ANKRD17: variants seen among roughly 807,000 people sequenced by gnomAD.
ANKRD17 encodes the protein ankyrin repeat domain-containing protein 17.
Under a neutral mutation model 229.7 loss-of-function variants are expected in ANKRD17, and 19 were observed. The ratio of observed to expected loss-of-function variants is 0.08; its 90% CI spans 0.06 to 0.12. The LOEUF (loss-of-function observed/expected upper bound fraction) is 0.12. Ranked by LOEUF, ANKRD17 falls within the 10% of genes least tolerant of loss-of-function variation. ANKRD17 has a pLI of 1.00. For missense variants in ANKRD17, 2,176 were observed against 3,176.8 expected (o/e 0.68, Z 7.57); for synonymous variants, 1,112 against 1,146.1 (o/e 0.97, Z 0.60).
At chr4:73,191,469 T>C (rs1464771312) in intron 1 of ANKRD17, among the ~76,000 whole-genome samples, 2 of 149,568 alleles carry the variant, frequency 1.3e-5, no homozygotes, top group Non-Finnish European at 3.0e-5. Context: ...ATGTTGTTGC[T>C]ATAATTTTGT....
intron 1 of ANKRD17, among the ~76,000 whole-genome samples, chr4:73,253,170 T>C (rs1745179026): frequency 6.6e-6 from 1 of 152,238 alleles, no homozygotes; most frequent in Non-Finnish European, 1.5e-5. Flanking sequence ...TATGTTTACC[T>C]GTAAAATGAA....
At chr4:73,172,880 CAGGA>C (rs1483390470) in intron 2 of ANKRD17, among the ~76,000 whole-genome samples, 2 of 151,876 alleles carry the variant, frequency 1.3e-5, no homozygotes, top group Non-Finnish European at 2.9e-5. Flanking sequence ...CACTGAAAGG[CAGGA>C]AGGAAAGAAG....
At chr4:73,201,111 G>C (rs1261263248) in intron 1 of ANKRD17, among the ~76,000 whole-genome samples, 1 of 151,152 alleles carries the variant, frequency 6.6e-6, no homozygotes. Context: ...AATTACAGGA[G>C]AACAAAAGAC....
intron 16 of ANKRD17, among the ~76,000 whole-genome samples, chr4:73,125,728 G>C (rs1396543106): frequency 1.3e-5 from 1 of 75,878 alleles, no homozygotes; most frequent in Non-Finnish European, 3.0e-5. Flanking sequence ...GCGAGACTCC[G>C]TCTCAAAAAA....
Position 73,103,982 on chromosome 4 carries a change from G to A in ANKRD17, c.4402-1435C>T, listed in dbSNP as rs1724311166. 2.6e-5 allele frequency: 4 copies of A among 152,232 alleles called. No homozygotes were observed. In the South Asian group the frequency reaches 8.3e-4, roughly 32 times the overall value. The allele number at this position is 152,232 out of a possible 1,614,324, so 9.4% of individuals were successfully genotyped here. A position where few individuals can be genotyped will look rare whatever the true frequency, so the allele number is the denominator to read the frequency against. ...GCCCACCACCAGGTTTTTACACCCT[G>A]CGGTAATGCAACATACTTACCTTAG... On this transcript the variant is annotated intron_variant, in intron 24 of 33. Coordinates refer to ENST00000358602, the MANE Select transcript of ANKRD17 (RefSeq NM_032217.5).
At chr4:73,248,823 T>C (rs1219043070) in intron 1 of ANKRD17, among the ~76,000 whole-genome samples, 1 of 151,858 alleles carries the variant, frequency 6.6e-6, no homozygotes, top group Admixed American at 6.6e-5. Context: ...CAGCCACACA[T>C]AGGAGATAAT....
intron 33 of ANKRD17, 67 bp from the exon 34 acceptor site, chr4:73,076,357 T>A: frequency 7.9e-7 from 1 of 1,273,042 alleles, no homozygotes; most frequent in South Asian, 1.8e-5. Flanking sequence ...AATAAAACTT[T>A]TAAAAAACTA....
At chr4:73,189,327 T>C (rs1394972366) in intron 1 of ANKRD17, among the ~76,000 whole-genome samples, 2 of 151,922 alleles carry the variant, frequency 1.3e-5, no homozygotes, top group African/African-American at 4.8e-5. Context: ...CTTTTTTCTG[T>C]TTCTCTGTCA....
rs778477250 is a variant in ANKRD17 at position 73,113,221 on chromosome 4, A to C, written c.4401+571T>G. 7.4e-5 allele frequency: 95 copies of C among 1,288,634 alleles called. 1 individual carries two copies. Among genetic ancestry groups the C allele is most frequent in the South Asian group, 2.4e-4 (19 of 80,818 alleles). The allele number at this position is 1,288,634 out of a possible 1,614,324, so 79.8% of individuals were successfully genotyped here. ...AGGGGAAAATGTGGCAGAAAAGGGA[A>C]GTGAAGAAGCTATAAGACTGTCCAA... On this transcript the variant is annotated intron_variant, in intron 24 of 33. Transcript: ENST00000358602.
chr4:73,232,726 C>T (rs577431056), intron 1 of ANKRD17, among the ~76,000 whole-genome samples: 186 of 151,968 alleles, frequency 1.2e-3, no homozygotes, highest in African/African-American at 4.3e-3. Flanking sequence ...TGCAATACCC[C>T]CCCTTTTTAT....
At chr4:73,135,610 G>T (rs1728795951) in intron 15 of ANKRD17, among the ~76,000 whole-genome samples, 1 of 152,054 alleles carries the variant, frequency 6.6e-6, no homozygotes, top group Non-Finnish European at 1.5e-5. Context: ...AATTAGAAAG[G>T]GGATCAAAGG....
chr4:73,180,402 G>T (rs543488576), intron 1 of ANKRD17, among the ~76,000 whole-genome samples: 3 of 152,212 alleles, frequency 2.0e-5, no homozygotes, highest in African/African-American at 7.2e-5. Flanking sequence ...AATCAGAAGC[G>T]ACTGTCTTAC....
chr4:73,160,381 G>A (rs1371281101), intron 3 of ANKRD17, among the ~76,000 whole-genome samples: 1 of 152,064 alleles, frequency 6.6e-6, no homozygotes. Flanking sequence ...ACCACACCCG[G>A]CTAATTTTTG....
rs1006939762 is a variant in ANKRD17, at chr4:73,147,237, C to T, written c.1759+4G>A. The T allele has an allele frequency of 2.0e-6, 3 of 1,525,028 alleles. No homozygotes were observed. The highest frequency in any genetic ancestry group is 2.6e-5 in the South Asian group (2 of 77,516). 94.5% of individuals were successfully genotyped at this position (1,525,028 alleles called of 1,614,324 possible). A position where few individuals can be genotyped will look rare whatever the true frequency, so the allele number is the denominator to read the frequency against. On this transcript the variant is annotated splice_donor_region_variant and intron_variant, in intron 9 of 33. Transcript: ENST00000358602. ...AAACTTCTCCCAAATGCAAAAATGC[C>T]TACCTGCAGCTAATAAGTATTTAAC...
intron 29 of ANKRD17, among the ~76,000 whole-genome samples, chr4:73,087,501 G>C (rs897426463): frequency 2.0e-5 from 3 of 152,132 alleles, no homozygotes; most frequent in Admixed American, 2.0e-4. Context: ...AATTAAACTT[G>C]CCCACAGAGT....
intron 1 of ANKRD17, among the ~76,000 whole-genome samples, chr4:73,195,578 G>A (rs560153666): frequency 7.2e-5 from 11 of 151,806 alleles, no homozygotes; most frequent in South Asian, 2.1e-4. Context: ...GTACAATCTC[G>A]GCTCACTGCA....
intron 30 of ANKRD17, among the ~76,000 whole-genome samples, chr4:73,084,518 G>A (rs1020390086): frequency 1.4e-5 from 2 of 148,006 alleles, no homozygotes; most frequent in African/African-American, 2.5e-5. Context: ...GTGTGATCTC[G>A]GCTCACTGCA....
At chr4:73,152,048 A>G (rs1560604025) in intron 6 of ANKRD17, among the ~76,000 whole-genome samples, 1 of 151,970 alleles carries the variant, frequency 6.6e-6, no homozygotes, top group Non-Finnish European at 1.5e-5. Context: ...ATATTTAATT[A>G]TAATATAAAC....
intron 24 of ANKRD17, among the ~76,000 whole-genome samples, chr4:73,108,251 G>A (rs1578071283): frequency 6.6e-6 from 1 of 152,120 alleles, no homozygotes; most frequent in Non-Finnish European, 1.5e-5. Context: ...GCAAGGATCA[G>A]GAGTTCATAT....
Sources: gnomAD v4.1 joint callset for allele counts (sites outside exome capture counted in the v4.1 genomes callset) on GRCh38, gnomAD v4.1.1 for gene constraint, MANE v1.5 for transcripts, NCBI Gene and HGNC (gene_info 2026-07-23, HGNC 2026-07-21) for gene names.